The following CDH13 variants were observed in gnomAD, a reference collection of about 807,000 sequenced individuals.
The protein encoded by CDH13 is cadherin 13.
A neutral mutation model predicts 63.8 loss-of-function variants in CDH13; 24 were observed. That is an observed-to-expected ratio of 0.38 (90% CI 0.27 to 0.53). The LOEUF (loss-of-function observed/expected upper bound fraction) is 0.53. Among genes scored for constraint, CDH13 ranks in the 20% least tolerant of loss-of-function variants. The pLI is 0.85. For synonymous variants in CDH13, 503 were observed against 355.3 expected (o/e 1.42, Z -4.67); for missense variants, 1,049 against 903.1 (o/e 1.16, Z -2.07).
chr16:83,347,832 A>T (rs2090871185), intron 6 of CDH13, among the ~76,000 whole-genome samples: 1 of 152,174 alleles, frequency 6.6e-6, no homozygotes, highest in Non-Finnish European at 1.5e-5. Context: ...ATCATGCTCA[A>T]AAGACTAGTC....
At chr16:82,714,879 C>T (rs137865907) in intron 1 of CDH13, among the ~76,000 whole-genome samples, 61 of 137,682 alleles carry the variant, frequency 4.4e-4, no homozygotes, top group Admixed American at 5.8e-4. Context: ...CATCTAGAGC[C>T]TTCAGAAAGG....
intron 2 of CDH13, among the ~76,000 whole-genome samples, chr16:82,901,181 G>T (rs1219973268): frequency 1.3e-5 from 2 of 150,898 alleles, no homozygotes; most frequent in Non-Finnish European, 2.9e-5. Flanking sequence ...GTTGTTTTTT[G>T]ACCTTCTGCT....
At position 82,797,608 on chromosome 16, in the gene CDH13, C is replaced by G. The variant is rs143346933; in HGVS notation, c.46-60754C>G. ...CTAGAAAACAAAGAGACTTCCTCCA[C>G]TCCATGCAAACACATGTTGATTCTC... On this transcript the variant is annotated intron_variant, in intron 1 of 13. Coordinates refer to ENST00000567109, the MANE Select transcript of CDH13 (RefSeq NM_001257.5). Among the ~76,000 whole-genome samples the G allele has an allele frequency of 1.8e-4, 27 of 152,292 alleles. No individual in the cohort carries two copies. The East Asian group carries it at 5.0e-3, about 28-fold the overall frequency.
intron 12 of CDH13, among the ~76,000 whole-genome samples, chr16:83,782,607 G>A (rs980729572): frequency 6.6e-6 from 1 of 151,940 alleles, no homozygotes; most frequent in African/African-American, 2.4e-5. Context: ...ATGGTAGTGT[G>A]TGCCTGTAAT....
intron 4 of CDH13, among the ~76,000 whole-genome samples, chr16:83,197,806 ACT>A (rs1042334651): frequency 2.1e-4 from 23 of 111,162 alleles, no homozygotes; most frequent in African/African-American, 6.7e-4. Context: ...ATGCTCACAC[ACT>A]CTGACACATT....
At chr16:83,223,720 C>G (rs1299430266) in intron 5 of CDH13, among the ~76,000 whole-genome samples, 1 of 152,230 alleles carries the variant, frequency 6.6e-6, no homozygotes, top group Non-Finnish European at 1.5e-5. Context: ...ACTCTAGGTG[C>G]AAGAGAGCTG....
At chr16:82,748,713 G>A (rs1531434) in intron 1 of CDH13, among the ~76,000 whole-genome samples, 80,523 of 151,858 alleles carry the variant, frequency 0.53, 21,383 homozygotes, top group East Asian at 0.63. Flanking sequence ...TACCTAGAGA[G>A]CTGGGGTACA....
intron 1 of CDH13, among the ~76,000 whole-genome samples, chr16:82,807,600 A>T (rs565276274): frequency 6.6e-6 from 1 of 152,276 alleles, no homozygotes; most frequent in East Asian, 1.9e-4. Context: ...TGGAAGTGCA[A>T]CCATTTACAC....
intron 5 of CDH13, among the ~76,000 whole-genome samples, chr16:83,240,499 G>C (rs1293030815): frequency 6.6e-6 from 1 of 152,062 alleles, no homozygotes; most frequent in Non-Finnish European, 1.5e-5. Context: ...GGATTAGAGA[G>C]TGAGGCTAGA....
At chr16:83,497,542 G>T (rs1483451127) in intron 7 of CDH13, among the ~76,000 whole-genome samples, 5 of 151,232 alleles carry the variant, frequency 3.3e-5, no homozygotes, top group Admixed American at 2.0e-4. Flanking sequence ...GGATAGCATT[G>T]GGAGAAATAC....
intron 11 of CDH13, among the ~76,000 whole-genome samples, chr16:83,768,782 A>G (rs898370347): frequency 4.0e-5 from 6 of 151,590 alleles, no homozygotes; most frequent in African/African-American, 1.5e-4. Context: ...TGTAGCAATG[A>G]GGATGACCAG....
intron 4 of CDH13, among the ~76,000 whole-genome samples, chr16:83,186,381 C>A (rs112699324): frequency 0.041 from 6,208 of 152,074 alleles, 169 homozygotes; most frequent in East Asian, 0.1. Context: ...TTTTGATCCA[C>A]CCGCCTCGGC....
chr16:82,749,181 G>C (rs1567495879), intron 1 of CDH13, among the ~76,000 whole-genome samples: 2 of 152,134 alleles, frequency 1.3e-5, no homozygotes, highest in Admixed American at 6.6e-5. Flanking sequence ...GAGACAGAGA[G>C]AGAGAAGGAG....
chr16:83,360,474 T>TC (rs2091140890), intron 6 of CDH13, among the ~76,000 whole-genome samples: 1 of 152,076 alleles, frequency 6.6e-6, no homozygotes, highest in African/African-American at 2.4e-5. Flanking sequence ...TCTCAACCTT[T>TC]TTTTTTTTGG....
chr16:83,048,520 T>C (rs569772075), intron 3 of CDH13, among the ~76,000 whole-genome samples: 43 of 152,288 alleles, frequency 2.8e-4, no homozygotes, highest in African/African-American at 1.0e-3. Flanking sequence ...GGCTTTTCCA[T>C]TTACCTAAAG....
intron 6 of CDH13, among the ~76,000 whole-genome samples, chr16:83,440,374 G>C (rs558106716): frequency 6.6e-6 from 1 of 152,210 alleles, no homozygotes; most frequent in East Asian, 1.9e-4. Context: ...AGCTCCAAGT[G>C]GGGGCCAGAG....
intron 7 of CDH13, among the ~76,000 whole-genome samples, chr16:83,580,448 TTCTCTCTC>T (rs55664829): frequency 0.05 from 3,809 of 75,814 alleles, 111 homozygotes; most frequent in East Asian, 0.11. Flanking sequence ...TTCTGTTCAT[TTCTCTCTC>T]TCTCTCTCTC....
chr16:83,093,657 A>T (rs4350558), intron 3 of CDH13, among the ~76,000 whole-genome samples: 47,852 of 151,900 alleles, frequency 0.32, 8,629 homozygotes, highest in Middle Eastern at 0.54. Flanking sequence ...TATTTCAAAC[A>T]ATATGGGAAT....
Position 82,759,656 on chromosome 16 carries a change from A to C in CDH13, c.46-98706A>C, listed in dbSNP as rs545349808. Among the ~76,000 whole-genome samples the C allele has an allele frequency of 2.6e-5, 4 of 151,908 alleles. No individual in the cohort carries two copies. The East Asian group carries it at 7.7e-4, about 29-fold the overall frequency. ...ATATGCAGTATTCCATAGAAAATTG[A>C]TATTTTGCCTTAACAAGAAGCGGCA... On this transcript the variant is annotated intron_variant, in intron 1 of 13. Coordinates refer to ENST00000567109, the MANE Select transcript of CDH13 (RefSeq NM_001257.5).
Sources: gnomAD v4.1 joint callset for allele counts (sites outside exome capture counted in the v4.1 genomes callset) on GRCh38, gnomAD v4.1.1 for gene constraint, MANE v1.5 for transcripts, NCBI Gene and HGNC (gene_info 2026-07-23, HGNC 2026-07-21) for gene names.